Variants in CDK15 observed in about 807,000 individuals in gnomAD.
The protein encoded by CDK15 is cyclin-dependent kinase 15.
In CDK15, 62 loss-of-function variants were observed where a neutral mutation model predicts 60.3. That is an observed-to-expected ratio of 1.03 (90% confidence interval 0.84 to 1.27). The LOEUF is 1.27. CDK15 is among the 50% of genes most tolerant of loss of function. The pLI is 0.00. For synonymous variants in CDK15, 194 were observed against 195.7 expected (o/e 0.99, Z 0.07); for missense variants, 541 against 527.8 (o/e 1.03, Z -0.25).
At chr2:201,833,025 C>T (rs1170923882) in intron 6 of CDK15, among the ~76,000 whole-genome samples, 9 of 140,538 alleles carry the variant, frequency 6.4e-5, no homozygotes, top group African/African-American at 1.8e-4. Flanking sequence ...CTTTTTTTCC[C>T]GTAAGTTTCT....
intron 9 of CDK15, among the ~76,000 whole-genome samples, chr2:201,851,264 C>T (rs1235283130): frequency 7.1e-6 from 1 of 141,102 alleles, no homozygotes; most frequent in Non-Finnish European, 1.5e-5. Flanking sequence ...TGCACTCCAG[C>T]CTGAGCAACA....
At chr2:201,880,200 G>T in intron 12 of CDK15, 33 bp downstream of exon 12, 1 of 1,610,378 alleles carries the variant, frequency 6.2e-7, no homozygotes, top group Non-Finnish European at 8.5e-7. Flanking sequence ...GTGCGTGAGT[G>T]CATGTGCGTG....
At chr2:201,889,086 T>C (rs1364395749) in intron 12 of CDK15, 3 of 985,296 alleles carry the variant, frequency 3.0e-6, no homozygotes, top group African/African-American at 1.7e-5. Context: ...GACCCCAGAT[T>C]ACCCACAGCA....
chr2:201,837,154 C>T (rs1697130745), intron 8 of CDK15, among the ~76,000 whole-genome samples: 1 of 151,606 alleles, frequency 6.6e-6, no homozygotes, highest in African/African-American at 2.4e-5. Flanking sequence ...AAAAATTAGT[C>T]AGGCATGATG....
chr2:201,839,375 G>T (rs1697272091), intron 8 of CDK15, among the ~76,000 whole-genome samples: 1 of 152,148 alleles, frequency 6.6e-6, no homozygotes, highest in South Asian at 2.1e-4. Context: ...AACTGTTCCA[G>T]ATTAAAGGAG....
rs571256272 is a variant in CDK15 at position 201,861,058 on chromosome 2, T to A, written c.1009+6121T>A. On this transcript the variant is annotated intron_variant, in intron 10 of 13. Coordinates refer to ENST00000652192, the MANE Select transcript of CDK15 (RefSeq NM_001366386.2). ...TTAGCCAAGGGAGTTATTCAGTGGG[T>A]TGAACTAAGGGGAAAGATATTGATA... is the stretch of plus-strand genomic sequence containing the variant. 2.7e-6 allele frequency: 3 copies of A among 1,113,004 alleles called. No homozygotes were observed. In the East Asian group the frequency reaches 2.0e-4, roughly 75 times the overall value. The allele number at this position is 1,113,004 out of a possible 1,614,324, so 68.9% of individuals were successfully genotyped here.
In CDK15 at chr2:201,854,898, A is replaced by C; in HGVS notation, c.970A>C (p.Thr324Pro). 1 of 1,614,096 alleles carries C rather than the reference A, an allele frequency of 6.2e-7. No individual in the cohort carries two copies. Among genetic ancestry groups the C allele is most frequent in the African/African-American group, 1.3e-5 (1 of 75,028 alleles). The change falls in exon 10 of 14, where the codon ACT becomes CCT. Residue 324 changes from threonine to proline, a missense_variant. By Grantham distance (38) the Thr-to-Pro change is conservative. Coordinates refer to ENST00000652192, the MANE Select transcript of CDK15 (RefSeq NM_001366386.2). ...GGTGCTGGGAGTCCCTACAGAGGAT[A>C]CTTGGCCGGGAGTCTCCAAGCTACC... ...WEVLGVPTED[T>P]WPGVSKLPNY...
intron 6 of CDK15, chr2:201,824,793 G>C: frequency 1.4e-6 from 1 of 693,186 alleles, no homozygotes; most frequent in South Asian, 2.3e-5. Flanking sequence ...AAGAAAATGT[G>C]AAACACCCTC....
chr2:201,852,775 A>G (rs1697968458), intron 9 of CDK15, among the ~76,000 whole-genome samples: 1 of 152,366 alleles, frequency 6.6e-6, no homozygotes, highest in East Asian at 1.9e-4. Flanking sequence ...GAATTCAATA[A>G]CTTGCAAATA....
chr2:201,858,811 AAAAAG>A (rs1698256006), intron 10 of CDK15, among the ~76,000 whole-genome samples: 1 of 152,166 alleles, frequency 6.6e-6, no homozygotes, highest in Non-Finnish European at 1.5e-5. Context: ...AGGGAGGAGA[AAAAAG>A]TGTTTTGAGT....
intron 12 of CDK15, among the ~76,000 whole-genome samples, chr2:201,886,639 G>A (rs1449197928): frequency 3.3e-5 from 5 of 152,206 alleles, no homozygotes; most frequent in South Asian, 2.1e-4. Context: ...TTTCTTAATC[G>A]ATGGTGATAA....
intron 11 of CDK15, 141 bp from the exon 12 acceptor site, chr2:201,879,887 A>G: frequency 8.6e-7 from 1 of 1,159,546 alleles, no homozygotes; most frequent in Non-Finnish European, 1.2e-6. Context: ...TCCAGTTGCC[A>G]TCAACTTTAG....
Position 201,806,692 on chromosome 2 carries a change from G to GTACAGCCTGGATGC in CDK15, c.29_42dup (p.Ser15TyrfsTer33). ...GGGTCAAGAGCTGTGTGCAAAGACT[G>GTACAGCCTGGATGC]TACAGCCTGGATGCAGCTGCTACCA... On this transcript the variant is annotated frameshift_variant, in exon 1 of 14. Coordinates refer to ENST00000652192, the MANE Select transcript of CDK15 (RefSeq NM_001366386.2). LOFTEE classifies it high-confidence loss of function. The GTACAGCCTGGATGC allele has an allele frequency of 6.3e-7, 1 of 1,597,340 alleles. No homozygotes were observed.
intron 10 of CDK15, among the ~76,000 whole-genome samples, chr2:201,871,345 C>T (rs1331986277): frequency 6.6e-6 from 1 of 151,864 alleles, no homozygotes; most frequent in Non-Finnish European, 1.5e-5. Context: ...GGACAGGTCT[C>T]ACTATGTTGT....
chr2:201,880,167 G>T lies in CDK15; in HGVS notation c.1198G>T (p.Glu400Ter). ...ATCTCAGCTGTACCAGCTTCCTGAT[G>T]GTGAGCGAGGGAGTGTGTGCGTGTG... ...LPSQLYQLPD[E>*]ESLFTVSGVR... Residue 400 changes from glutamate to a stop codon, truncating the protein, a stop_gained and splice_region_variant, in exon 12 of 14, where the codon GAG becomes TAG. Coordinates refer to ENST00000652192, the MANE Select transcript of CDK15 (RefSeq NM_001366386.2). LOFTEE classifies it high-confidence loss of function. 1 of 1,613,826 alleles carries T rather than the reference G, an allele frequency of 6.2e-7. No homozygotes were observed. Among genetic ancestry groups the T allele is most frequent in the Non-Finnish European group, 8.5e-7 (1 of 1,179,884 alleles).
chr2:201,859,547 A>T (rs1255319488), intron 10 of CDK15, among the ~76,000 whole-genome samples: 1 of 152,180 alleles, frequency 6.6e-6, no homozygotes, highest in South Asian at 2.1e-4. Flanking sequence ...TGAGATTTCC[A>T]TTCCTTTCCA....
At chr2:201,812,637 C>A in intron 4 of CDK15, 75 bp downstream of exon 4, 1 of 796,974 alleles carries the variant, frequency 1.3e-6, no homozygotes, top group South Asian at 2.1e-5. Context: ...TGCATTGATC[C>A]ATTCAGCATC....
At chr2:201,856,048 G>A (rs1483130746) in intron 10 of CDK15, among the ~76,000 whole-genome samples, 2 of 151,968 alleles carry the variant, frequency 1.3e-5, no homozygotes, top group Admixed American at 6.6e-5. Flanking sequence ...GGCTGGTCTC[G>A]AACTCCTGAC....
At chr2:201,844,025 T>G (rs1697528339) in intron 8 of CDK15, among the ~76,000 whole-genome samples, 2 of 152,210 alleles carry the variant, frequency 1.3e-5, no homozygotes, top group East Asian at 3.9e-4. Flanking sequence ...GAAAAGAAAG[T>G]GAATTACAGG....
Sources: gnomAD v4.1 joint callset for allele counts (sites outside exome capture counted in the v4.1 genomes callset) on GRCh38, gnomAD v4.1.1 for gene constraint, MANE v1.5 for transcripts, NCBI Gene and HGNC (gene_info 2026-07-23, HGNC 2026-07-21) for gene names.